Variants in GNG12 observed in about 807,000 individuals in gnomAD.
The protein encoded by GNG12 is guanine nucleotide-binding protein G(I)/G(S)/G(O) subunit gamma-12.
For synonymous variants in GNG12, 28 were observed against 29.7 expected (o/e 0.94, Z 0.19); for missense variants, 69 against 83.8 (o/e 0.82, Z 0.69).
intron 1 of GNG12, among the ~76,000 whole-genome samples, chr1:67,788,202 T>C (rs962907403): frequency 6.6e-6 from 1 of 152,242 alleles, no homozygotes; most frequent in Admixed American, 6.5e-5. Context: ...TAGTGATTAC[T>C]ATCTGTGTGC....
intron 2 of GNG12, among the ~76,000 whole-genome samples, chr1:67,708,766 C>T (rs1337512334): frequency 6.6e-6 from 1 of 152,162 alleles, no homozygotes; most frequent in Non-Finnish European, 1.5e-5. Flanking sequence ...AGTTTTATGA[C>T]TCATGGGAGC....
intron 1 of GNG12, among the ~76,000 whole-genome samples, chr1:67,810,233 T>C: frequency 6.6e-6 from 1 of 152,110 alleles, no homozygotes; most frequent in African/African-American, 2.4e-5. Context: ...AAAATATCAG[T>C]GGTTGTCAAA....
rs1331524690 is a variant in GNG12, at chr1:67,833,330, C to T, written c.-77+14G>A. The T allele has an allele frequency of 4.2e-6, 4 of 963,040 alleles. No individual in the cohort carries two copies. The Admixed American group carries it at 1.8e-4, about 44-fold the overall frequency. The allele number at this position is 963,040 out of a possible 1,614,324, so 59.7% of individuals were successfully genotyped here. On this transcript the variant is annotated intron_variant, in intron 1 of 3. Coordinates refer to ENST00000370982, the MANE Select transcript of GNG12 (RefSeq NM_018841.6). Reference sequence around the variant, plus strand: ...GACCCGACTCACCACCCGCGCCCGCCGCTTGGTACTCACCCGCCTGCCGGT... The same window carrying T: ...GACCCGACTCACCACCCGCGCCCGCTGCTTGGTACTCACCCGCCTGCCGGT...
chr1:67,796,233 AGTGTCTGAATGCTGT>A (rs1312534055), intron 1 of GNG12, among the ~76,000 whole-genome samples: 2 of 152,190 alleles, frequency 1.3e-5, no homozygotes, highest in African/African-American at 4.8e-5. Context: ...CATTATCCCC[AGTGTCTGAATGCTGT>A]GTATGTGAAA....
At chr1:67,742,868 G>A (rs1261739608) in intron 2 of GNG12, among the ~76,000 whole-genome samples, 1 of 151,910 alleles carries the variant, frequency 6.6e-6, no homozygotes, top group Non-Finnish European at 1.5e-5. Context: ...TCAAACTAGT[G>A]GTTTTATGGA....
chr1:67,706,656 C>CT lies in GNG12; in HGVS notation c.93+937dup, dbSNP rs60300759. ...CTTCAGTTTCTTTTTTCTTTTCTTT[C>CT]TTTTTTTTTTTTTTTTGAGATGAAG... On this transcript the variant is annotated intron_variant, in intron 3 of 3. Transcript: ENST00000370982. Among the ~76,000 whole-genome samples the CT allele has an allele frequency of 3.3e-3, 473 of 141,246 alleles. 3 individuals carry two copies. Among genetic ancestry groups the CT allele is most frequent in the African/African-American group, 9.7e-3 (356 of 36,824 alleles). The allele number at this position is 141,246 out of a possible 152,430, so 92.7% of individuals were successfully genotyped here.
At chr1:67,820,365 G>C (rs1646978181) in intron 1 of GNG12, among the ~76,000 whole-genome samples, 2 of 149,154 alleles carry the variant, frequency 1.3e-5, no homozygotes, top group Admixed American at 6.7e-5. Context: ...CTGGATGACA[G>C]AGTGAGACTC....
In GNG12 at chr1:67,833,336, GT is replaced by G; in HGVS notation, c.-77+7del. On this transcript the variant is annotated splice_region_variant and intron_variant, in intron 1 of 3. Coordinates refer to ENST00000370982, the MANE Select transcript of GNG12 (RefSeq NM_018841.6). ...ACTCACCACCCGCGCCCGCCGCTTG[GT>G]ACTCACCCGCCTGCCGGTGCGCTGC... The G allele has an allele frequency of 1.0e-6, 1 of 969,908 alleles. No homozygotes were observed. The highest frequency in any genetic ancestry group is 4.6e-5 in the South Asian group (1 of 21,620). The allele number at this position is 969,908 out of a possible 1,614,324, so 60.1% of individuals were successfully genotyped here. A position where few individuals can be genotyped will look rare whatever the true frequency, so the allele number is the denominator to read the frequency against.
chr1:67,806,116 A>G (rs1646893390), intron 1 of GNG12, among the ~76,000 whole-genome samples: 1 of 152,162 alleles, frequency 6.6e-6, no homozygotes, highest in African/African-American at 2.4e-5. Context: ...TGGTGCCAGT[A>G]GACCTGCCTT....
intron 2 of GNG12, among the ~76,000 whole-genome samples, chr1:67,759,251 G>A (rs924295924): frequency 6.6e-6 from 1 of 152,232 alleles, no homozygotes; most frequent in African/African-American, 2.4e-5. Flanking sequence ...GGAGGCCAGA[G>A]GGCATGTGGC....
intron 1 of GNG12, among the ~76,000 whole-genome samples, chr1:67,823,520 G>C (rs1032213818): frequency 1.3e-5 from 2 of 152,166 alleles, no homozygotes; most frequent in African/African-American, 2.4e-5. Flanking sequence ...AAGAGGAAAG[G>C]TCAACAAATG....
At position 67,766,146 on chromosome 1, in the gene GNG12, A is replaced by C. The variant is rs898770697; in HGVS notation, c.-27+11312T>G. Among the ~76,000 whole-genome samples, 10 of 139,706 alleles carry C rather than the reference A, an allele frequency of 7.2e-5. No homozygotes were observed. In the East Asian group the frequency reaches 8.4e-4, roughly 12 times the overall value. 91.7% of individuals were successfully genotyped at this position (139,706 alleles called of 152,430 possible). ...CACACACACACACACACACACACAC[A>C]CACCCCTAAACAATGCCCTCATAGA... is the stretch of plus-strand genomic sequence containing the variant. On this transcript the variant is annotated intron_variant, in intron 2 of 3. Coordinates refer to ENST00000370982, the MANE Select transcript of GNG12 (RefSeq NM_018841.6).
chr1:67,764,701 ATG>A (rs2100744409), intron 2 of GNG12, among the ~76,000 whole-genome samples: 1 of 152,188 alleles, frequency 6.6e-6, no homozygotes, highest in Admixed American at 6.5e-5. Flanking sequence ...GTGTGTGTAT[ATG>A]TGTGTGTGTT....
In GNG12 at chr1:67,705,352, T is replaced by TTA. The variant is rs1646240500; in HGVS notation, c.*97_*98dup. The TTA allele has an allele frequency of 9.2e-6, 14 of 1,514,350 alleles. No homozygotes were observed. The highest frequency in any genetic ancestry group is 1.1e-5 in the Non-Finnish European group (12 of 1,135,824). The allele number at this position is 1,514,350 out of a possible 1,614,324, so 93.8% of individuals were successfully genotyped here. ...TTCCAAGCTGAGAACATTTTAGTTATTAGCAGTGGTTACCAAATAAGCTGA... is the reference window on the plus strand; with the variant it reads ...TTCCAAGCTGAGAACATTTTAGTTATTATAGCAGTGGTTACCAAATAAGCTGA... On this transcript the variant is annotated 3_prime_UTR_variant, in exon 4 of 4. Transcript: ENST00000370982.
At chr1:67,780,869 C>G (rs1646733687) in intron 1 of GNG12, among the ~76,000 whole-genome samples, 1 of 152,112 alleles carries the variant, frequency 6.6e-6, no homozygotes, top group Non-Finnish European at 1.5e-5. Flanking sequence ...AATAGCATAC[C>G]CAGTGTCTTG....
intron 1 of GNG12, among the ~76,000 whole-genome samples, chr1:67,814,455 G>T (rs890836292): frequency 2.0e-5 from 3 of 152,164 alleles, no homozygotes; most frequent in African/African-American, 7.2e-5. Flanking sequence ...CTTAACAAGG[G>T]TGGGTCACAA....
At chr1:67,796,462 G>A (rs1175679695) in intron 1 of GNG12, among the ~76,000 whole-genome samples, 1 of 152,024 alleles carries the variant, frequency 6.6e-6, no homozygotes, top group African/African-American at 2.4e-5. Context: ...ATAACAACGA[G>A]TACGACTATT....
intron 3 of GNG12, among the ~76,000 whole-genome samples, chr1:67,706,847 CAG>C (rs929359313): frequency 6.6e-6 from 1 of 151,892 alleles, no homozygotes; most frequent in African/African-American, 2.4e-5. Context: ...TTAGTAGAGA[CAG>C]GGGTTTCTCC....
chr1:67,721,286 G>A (rs1354422260), intron 2 of GNG12, among the ~76,000 whole-genome samples: 10 of 152,220 alleles, frequency 6.6e-5, no homozygotes, highest in Admixed American at 6.5e-4. Context: ...GAAGGAAGGA[G>A]CCCCAGAGTG....
Sources: allele counts gnomAD v4.1 joint callset (sites outside exome capture counted in the v4.1 genomes callset), GRCh38; gene constraint gnomAD v4.1.1; transcripts MANE v1.5; gene names NCBI Gene and HGNC (gene_info 2026-07-23, HGNC 2026-07-21).